PPFIA3: variants seen among roughly 807,000 people sequenced by gnomAD.
PPFIA3 encodes the protein liprin-alpha-3.
PPFIA3 carries 26 observed loss-of-function variants against 145.8 expected under a neutral mutation model. The ratio of observed to expected loss-of-function variants is 0.18; its 90% confidence interval spans 0.13 to 0.25. The LOEUF (loss-of-function observed/expected upper bound fraction) is 0.25, where lower values mean the gene tolerates loss of function less well. Ranked by LOEUF, PPFIA3 falls within the 10% of genes least tolerant of loss-of-function variation. The probability of loss-of-function intolerance (pLI) is 1.00; values close to 1 mark genes in which losing one functional copy is unlikely to be tolerated. For missense variants in PPFIA3, 1,008 were observed against 1,587.8 expected (o/e 0.63, Z 6.21); for synonymous variants, 645 against 661.4 (o/e 0.98, Z 0.38).
intron 20 of PPFIA3, 25 bp from the exon 21 acceptor site, chr19:49,142,779 C>T (rs2041239825): frequency 2.5e-6 from 4 of 1,606,008 alleles, no homozygotes; most frequent in Non-Finnish European, 3.4e-6. Context: ...TCTGTCCCCT[C>T]TGTCCCTCTG....
Position 49,128,288 on chromosome 19 carries a change from C to T in PPFIA3, c.241-79C>T, listed in dbSNP as rs1681769217. On this transcript the variant is annotated intron_variant, in intron 2 of 29. Transcript: ENST00000334186. The surrounding 1 kb of genome is among the most constrained non-coding windows in gnomAD (Gnocchi z 4.1). ...GACTTAGCAGGGAGGGCGGGACCTT[C>T]AAACTTCCAGTCCCAGTGAATGAAG... The T allele has an allele frequency of 3.2e-6, 5 of 1,555,596 alleles. No homozygotes were observed. The highest frequency in any genetic ancestry group is 4.4e-6 in the Non-Finnish European group (5 of 1,128,746).
chr19:49,144,063 T>C (rs2041254590), intron 21 of PPFIA3, among the ~76,000 whole-genome samples: 1 of 152,066 alleles, frequency 6.6e-6, no homozygotes, highest in African/African-American at 2.4e-5. Flanking sequence ...TGGAGTGCAA[T>C]GGTGCGACCT....
intron 23 of PPFIA3, among the ~76,000 whole-genome samples, chr19:49,147,554 G>A (rs1055863717): frequency 1.3e-5 from 2 of 151,956 alleles, no homozygotes; most frequent in African/African-American, 2.4e-5. Context: ...GGGCGTGGTG[G>A]CTCGTACCTG....
intron 1 of PPFIA3, among the ~76,000 whole-genome samples, chr19:49,121,935 C>T (rs772428596): frequency 6.6e-6 from 1 of 151,974 alleles, no homozygotes; most frequent in Admixed American, 6.6e-5. Flanking sequence ...CGCGCCTGGC[C>T]GGGCCACATT....
Position 49,149,143 on chromosome 19 carries a change from T to C in PPFIA3, c.3260T>C (p.Leu1087Pro). ...TFDYSDLALLLQIPTQNAQAR... is the reference protein window; with the variant it reads ...TFDYSDLALLPQIPTQNAQAR... ...GACTACTCCGACCTGGCCTTGCTCCTGCAGATCCCCACGCAGAATGCACAG... is the reference window on the plus strand; with the variant it reads ...GACTACTCCGACCTGGCCTTGCTCCCGCAGATCCCCACGCAGAATGCACAG... The change falls in exon 26 of 30, where the codon CTG (leucine) becomes CCG (proline). Residue 1087 changes from leucine to proline, a missense_variant. This residue lies in a region of PPFIA3 where 125 missense variants were observed against 159.3 expected (regional missense o/e 0.78). Transcript: ENST00000334186. The surrounding 1 kb of genome is among the most constrained non-coding windows in gnomAD (Gnocchi z 5.7). 1 of 1,614,090 alleles carries C rather than the reference T, an allele frequency of 6.2e-7. No homozygotes were observed. The highest frequency in any genetic ancestry group is 8.5e-7 in the Non-Finnish European group (1 of 1,179,980).
intron 1 of PPFIA3, among the ~76,000 whole-genome samples, chr19:49,123,856 TTA>T (rs1249823927): frequency 1.5e-4 from 23 of 152,212 alleles, no homozygotes; most frequent in Non-Finnish European, 2.9e-5. Flanking sequence ...CAGTGCAGCC[TTA>T]GTTTAGAACT....
chr19:49,131,864 G>C (rs1426629571), intron 7 of PPFIA3, among the ~76,000 whole-genome samples: 3 of 151,986 alleles, frequency 2.0e-5, no homozygotes, highest in Non-Finnish European at 4.4e-5. Flanking sequence ...CAAAAAATTA[G>C]CCGGGCGTGA....
In PPFIA3 at chr19:49,120,766, C is replaced by G. The variant is rs1431006620; in HGVS notation, c.-16+1044C>G. Among the ~76,000 whole-genome samples, 2 of 152,174 alleles carry G rather than the reference C, an allele frequency of 1.3e-5. No individual in the cohort carries two copies. The highest frequency in any genetic ancestry group is 4.8e-5 in the African/African-American group (2 of 41,438). ...ACTTGGGGACCTAAATGTCTTGGTC[C>G]CAGTCTCCTATCCCCTCAGGGACCC... On this transcript the variant is annotated intron_variant, in intron 1 of 29. Transcript: ENST00000334186. This position sits in a 1 kb window ranked among gnomAD's most constrained non-coding sequence, Gnocchi z 4.6.
chr19:49,150,461 C>T lies in PPFIA3; in HGVS notation c.*239C>T. On this transcript the variant is annotated 3_prime_UTR_variant, in exon 30 of 30. Transcript: ENST00000334186. ...AAGAAGCGGGGAGGAAGAAATCCCG[C>T]CCCAAACGTCCGCTTTCCTTTTCTC... The T allele has an allele frequency of 3.6e-6, 1 of 274,966 alleles. No homozygotes were observed. The highest frequency in any genetic ancestry group is 6.8e-6 in the Non-Finnish European group (1 of 146,098). 17.0% of individuals were successfully genotyped at this position (274,966 alleles called of 1,614,324 possible). A position where few individuals can be genotyped will look rare whatever the true frequency, so the allele number is the denominator to read the frequency against.
At chr19:49,136,690 C>T in intron 14 of PPFIA3, 34 bp from the exon 15 acceptor site, 4 of 1,358,536 alleles carry the variant, frequency 2.9e-6, no homozygotes, top group Non-Finnish European at 3.9e-6. Flanking sequence ...GGCCCCCAGC[C>T]ACCTAATGTC....
In PPFIA3 at chr19:49,128,030, T is replaced by C; in HGVS notation, c.157T>C (p.Leu53=). The C allele has an allele frequency of 6.3e-7, 1 of 1,596,540 alleles. No individual in the cohort carries two copies. The highest frequency in any genetic ancestry group is 8.5e-7 in the Non-Finnish European group (1 of 1,179,082). ...LETLREAQDG[L]ATAQLRLREL... ...GACGCTGCGCGAGGCACAGGACGGG[T>C]TGGCTACAGCGCAGCTGCGGCTGCG... Residue 53 remains leucine (L), a synonymous_variant, in exon 2 of 30, where the codon TTG becomes CTG. Coordinates refer to ENST00000334186, the MANE Select transcript of PPFIA3 (RefSeq NM_003660.4). The surrounding 1 kb of genome is among the most constrained non-coding windows in gnomAD (Gnocchi z 4.1).
At position 49,149,433 on chromosome 19, in the gene PPFIA3, G is replaced by GGAGA; in HGVS notation, c.3354+110_3355-109dup. 3 of 1,584,096 alleles carry GGAGA rather than the reference G, an allele frequency of 1.9e-6. No homozygotes were observed. The highest frequency in any genetic ancestry group is 8.7e-7 in the Non-Finnish European group (1 of 1,154,976). On this transcript the variant is annotated intron_variant, in intron 27 of 29. Transcript: ENST00000334186. This position sits in a 1 kb window ranked among gnomAD's most constrained non-coding sequence, Gnocchi z 5.7. Reference sequence around the variant, plus strand: ...ATGGTCACGGTTGGAGGCGGGGCCAGGAGAGGGGCGGGGTTAAAGGAGAGG... The same window carrying GGAGA: ...ATGGTCACGGTTGGAGGCGGGGCCAGGAGAGAGAGGGGCGGGGTTAAAGGAGAGG...
At chr19:49,146,231 C>T in intron 23 of PPFIA3, 39 bp downstream of exon 23, 1 of 1,607,088 alleles carries the variant, frequency 6.2e-7, no homozygotes, top group South Asian at 1.1e-5. Flanking sequence ...CATGAACAGG[C>T]TGTGCACGAC....
chr19:49,130,755 A>G lies in PPFIA3; in HGVS notation c.879+156A>G, dbSNP rs1010589153. Among the ~76,000 whole-genome samples the G allele has an allele frequency of 3.3e-5, 5 of 152,226 alleles. No homozygotes were observed. Among genetic ancestry groups the G allele is most frequent in the South Asian group, 2.1e-4 (1 of 4,834 alleles). On this transcript the variant is annotated intron_variant, in intron 7 of 29. Coordinates refer to ENST00000334186, the MANE Select transcript of PPFIA3 (RefSeq NM_003660.4). The surrounding 1 kb of genome is among the most constrained non-coding windows in gnomAD (Gnocchi z 4.5). ...TTTTCCCACCTGTGAAAGGAAATGT[A>G]TGATTCTCATCAGAGGGTGAGCCTG...
intron 16 of PPFIA3, 112 bp from the exon 17 acceptor site, chr19:49,139,556 G>A (rs1034967295): frequency 1.9e-6 from 2 of 1,027,388 alleles, no homozygotes; most frequent in Non-Finnish European, 2.7e-6. Flanking sequence ...TTCGTATACT[G>A]TGTTCTAAAC....
chr19:49,143,065 G>A, intron 21 of PPFIA3, 61 bp downstream of exon 21: 2 of 1,556,716 alleles, frequency 1.3e-6, no homozygotes, highest in South Asian at 2.3e-5. Context: ...CTTGCCCTCA[G>A]TCTAGCCAAT....
chr19:49,146,055 G>A (rs931747878), intron 22 of PPFIA3, 50 bp downstream of exon 22: 2 of 1,609,014 alleles, frequency 1.2e-6, no homozygotes, highest in African/African-American at 1.3e-5. Context: ...CCTTCTTTGG[G>A]GGTGGGGGCG....
Position 49,150,324 on chromosome 19 carries a change from G to A in PPFIA3, c.*102G>A. ...TGGCCTCGCCGGGGAGAGCGGGCGG[G>A]GGAGCTCGCGCCGAGGACTGGACCA... On this transcript the variant is annotated 3_prime_UTR_variant, in exon 30 of 30. Coordinates refer to ENST00000334186, the MANE Select transcript of PPFIA3 (RefSeq NM_003660.4). 1.5e-6 allele frequency: 1 copy of A among 664,892 alleles called. No individual in the cohort carries two copies. The highest frequency in any genetic ancestry group is 2.5e-6 in the Non-Finnish European group (1 of 399,754). The allele number at this position is 664,892 out of a possible 1,614,324, so 41.2% of individuals were successfully genotyped here. A position where few individuals can be genotyped will look rare whatever the true frequency, so the allele number is the denominator to read the frequency against.
In PPFIA3 at chr19:49,133,510, A is replaced by G. The variant is rs2041100602; in HGVS notation, c.1161+139A>G. The stretch of plus-strand genomic sequence containing the variant: ...AAGGGTGGGGCCTAGGGGCTGGGAA[A>G]GGGACAGGACTTGGAATGGGGAGGG... On this transcript the variant is annotated intron_variant, in intron 9 of 29. Transcript: ENST00000334186. The surrounding 1 kb of genome is among the most constrained non-coding windows in gnomAD (Gnocchi z 7.2). 2 of 1,147,134 alleles carry G rather than the reference A, an allele frequency of 1.7e-6. No homozygotes were observed. The highest frequency in any genetic ancestry group is 2.4e-6 in the Non-Finnish European group (2 of 836,220). 71.1% of individuals were successfully genotyped at this position (1,147,134 alleles called of 1,614,324 possible).
Sources: allele counts gnomAD v4.1 joint callset (sites outside exome capture counted in the v4.1 genomes callset), GRCh38; gene constraint gnomAD v4.1.1; regional missense constraint gnomAD v4.1.1; non-coding constraint Gnocchi (gnomAD v3.1); transcripts MANE v1.5; gene names NCBI Gene and HGNC (gene_info 2026-07-23, HGNC 2026-07-21).